The following CDS1 variants were observed in gnomAD, a reference collection of about 807,000 sequenced individuals.
CDS1 encodes phosphatidate cytidylyltransferase 1.
A neutral mutation model predicts 62.1 loss-of-function variants in CDS1; 41 were observed. The observed-to-expected ratio is 0.66, with a 90% CI of 0.51 to 0.86. CDS1 has a LOEUF of 0.86. Among genes scored for constraint, CDS1 ranks in the 40% least tolerant of loss-of-function variants. CDS1 has a pLI of 0.00. For missense variants in CDS1, 470 were observed against 550.1 expected (o/e 0.85, Z 1.46); for synonymous variants, 185 against 192.6 (o/e 0.96, Z 0.32).
rs1253059837 is a variant in CDS1, at chr4:84,649,840, T to C, written c.*1154T>C. The C allele has an allele frequency of 1.3e-5, 2 of 151,978 alleles. No individual in the cohort carries two copies. Among genetic ancestry groups the C allele is most frequent in the African/African-American group, 4.8e-5 (2 of 41,254 alleles). The allele number at this position is 151,978 out of a possible 1,614,324, so 9.4% of individuals were successfully genotyped here. On this transcript the variant is annotated 3_prime_UTR_variant, in exon 13 of 13. Transcript: ENST00000295887. ...TTCCAAGAATGAAAATCAAGCAGAA[T>C]TGATTCCTACACGAAAAAAAAGCAC...
chr4:84,611,233 A>G (rs1262397784), intron 3 of CDS1, among the ~76,000 whole-genome samples: 1 of 152,238 alleles, frequency 6.6e-6, no homozygotes, highest in African/African-American at 2.4e-5. Context: ...TTCATCAAGC[A>G]CTTAGGCAGT....
chr4:84,633,712 A>G, intron 6 of CDS1, 145 bp from the exon 7 acceptor site: 2 of 410,416 alleles, frequency 4.9e-6, no homozygotes, highest in Non-Finnish European at 8.6e-6. Context: ...ATAATTTACT[A>G]ACAGTGTTTT....
intron 1 of CDS1, among the ~76,000 whole-genome samples, chr4:84,599,572 A>G (rs918265268): frequency 2.6e-5 from 4 of 151,574 alleles, no homozygotes; most frequent in African/African-American, 9.7e-5. Flanking sequence ...CTGGCACTAT[A>G]GATGAGTTTG....
Position 84,589,936 on chromosome 4 carries a change from A to G in CDS1, c.117+6418A>G, listed in dbSNP as rs1007797436. On this transcript the variant is annotated intron_variant, in intron 1 of 12. Coordinates refer to ENST00000295887, the MANE Select transcript of CDS1 (RefSeq NM_001263.4). ...CGCCATTCTTCTGCCTCAGCCTCCGACGTAGCTGGGACTACAGGCACCCGC... is the reference window on the plus strand; with the variant it reads ...CGCCATTCTTCTGCCTCAGCCTCCGGCGTAGCTGGGACTACAGGCACCCGC... 4.6e-4 allele frequency among the ~76,000 whole-genome samples: 70 copies of G among 152,052 alleles called. 1 individual carries two copies. Among genetic ancestry groups the G allele is most frequent in the Admixed American group, 4.5e-3 (69 of 15,258 alleles).
Position 84,649,378 on chromosome 4 carries a change from C to G in CDS1, c.*692C>G, listed in dbSNP as rs2148663505. On this transcript the variant is annotated 3_prime_UTR_variant, in exon 13 of 13. Coordinates refer to ENST00000295887, the MANE Select transcript of CDS1 (RefSeq NM_001263.4). ...TTGGAAGGTCACGACCTCGCAAAAA[C>G]TTTTCAAGAGCAACAAGGAAGAATT... 1 of 152,314 alleles carries G rather than the reference C, an allele frequency of 6.6e-6. No individual in the cohort carries two copies. Among genetic ancestry groups the G allele is most frequent in the East Asian group, 1.9e-4 (1 of 5,176 alleles). 9.4% of individuals were successfully genotyped at this position (152,314 alleles called of 1,614,324 possible).
chr4:84,614,658 C>G (rs1323576187), intron 3 of CDS1, among the ~76,000 whole-genome samples: 1 of 152,148 alleles, frequency 6.6e-6, no homozygotes, highest in East Asian at 1.9e-4. Context: ...CAGAGTAAAT[C>G]TGTTGTCAAA....
At chr4:84,631,151 T>C (rs1166422994) in intron 5 of CDS1, among the ~76,000 whole-genome samples, 1 of 152,232 alleles carries the variant, frequency 6.6e-6, no homozygotes, top group Non-Finnish European at 1.5e-5. Context: ...GTTCTTAACC[T>C]GAATTTTGCT....
chr4:84,606,326 G>GTGTGTA (rs762717748), intron 2 of CDS1, among the ~76,000 whole-genome samples: 2 of 151,152 alleles, frequency 1.3e-5, no homozygotes, highest in Non-Finnish European at 2.9e-5. Context: ...GTGTGTGTGT[G>GTGTGTA]TGTGTATGTG....
At chr4:84,636,555 C>T (rs964895758) in intron 8 of CDS1, among the ~76,000 whole-genome samples, 4 of 152,134 alleles carry the variant, frequency 2.6e-5, no homozygotes, top group African/African-American at 9.7e-5. Flanking sequence ...GACAAAGTCT[C>T]GCCCTGTCAC....
At chr4:84,622,594 AAAT>A (rs555333927) in intron 5 of CDS1, among the ~76,000 whole-genome samples, 2 of 152,002 alleles carry the variant, frequency 1.3e-5, no homozygotes, top group Admixed American at 6.6e-5. Context: ...CTCCATCTCA[AAAT>A]AATAATAATA....
intron 8 of CDS1, among the ~76,000 whole-genome samples, chr4:84,636,503 G>A (rs1365792123): frequency 6.6e-6 from 1 of 152,178 alleles, no homozygotes; most frequent in South Asian, 2.1e-4. Flanking sequence ...TCTTCTAAAA[G>A]AGCTCTTCTT....
chr4:84,620,020 A>G (rs1203827040), intron 5 of CDS1, among the ~76,000 whole-genome samples: 6 of 106,612 alleles, frequency 5.6e-5, no homozygotes, highest in East Asian at 2.7e-4. Context: ...CAAAACTCTT[A>G]TCTAAAAAAA....
intron 6 of CDS1, among the ~76,000 whole-genome samples, chr4:84,633,509 C>T (rs1560480482): frequency 1.3e-5 from 2 of 152,214 alleles, no homozygotes; most frequent in East Asian, 1.9e-4. Flanking sequence ...AAAATGTTCC[C>T]CTTTAAATGT....
intron 3 of CDS1, among the ~76,000 whole-genome samples, chr4:84,614,736 T>A (rs571870594): frequency 1.9e-4 from 29 of 152,298 alleles, no homozygotes; most frequent in Admixed American, 4.6e-4. Context: ...ATATATTTTT[T>A]AAAAAAACAA....
At chr4:84,626,751 C>T (rs1322910238) in intron 5 of CDS1, among the ~76,000 whole-genome samples, 1 of 152,188 alleles carries the variant, frequency 6.6e-6, no homozygotes, top group African/African-American at 2.4e-5. Context: ...TGGTGTACCT[C>T]TCTTGTTTAT....
intron 5 of CDS1, among the ~76,000 whole-genome samples, chr4:84,620,832 G>T (rs1483767055): frequency 6.6e-6 from 1 of 152,084 alleles, no homozygotes; most frequent in East Asian, 1.9e-4. Context: ...AGGCCAAGGT[G>T]CACGGATCAC....
Position 84,624,684 on chromosome 4 carries a change from A to G in CDS1, c.580+5151A>G, listed in dbSNP as rs76893231. ...TACTGTTTTCCCCTTTGGTTTTGCTATAATTTATGCTTGAGAATAACATCT... is the reference window on the plus strand; with the variant it reads ...TACTGTTTTCCCCTTTGGTTTTGCTGTAATTTATGCTTGAGAATAACATCT... On this transcript the variant is annotated intron_variant, in intron 5 of 12. Coordinates refer to ENST00000295887, the MANE Select transcript of CDS1 (RefSeq NM_001263.4). 2.4e-3 allele frequency among the ~76,000 whole-genome samples: 368 copies of G among 152,284 alleles called. 1 individual carries two copies. Among genetic ancestry groups the G allele is most frequent in the African/African-American group, 8.4e-3 (347 of 41,556 alleles).
At position 84,648,736 on chromosome 4, in the gene CDS1, A is replaced by G; in HGVS notation, c.*50A>G. The G allele has an allele frequency of 6.5e-7, 1 of 1,546,886 alleles. No individual in the cohort carries two copies. Among genetic ancestry groups the G allele is most frequent in the Admixed American group, 1.9e-5 (1 of 52,506 alleles). On this transcript the variant is annotated 3_prime_UTR_variant, in exon 13 of 13. Coordinates refer to ENST00000295887, the MANE Select transcript of CDS1 (RefSeq NM_001263.4). ...ACAAGAAGGAATTATTCAGAAAAACACTGACAGATGTTTTATAAATTGTAC... is the reference window on the plus strand; with the variant it reads ...ACAAGAAGGAATTATTCAGAAAAACGCTGACAGATGTTTTATAAATTGTAC...
chr4:84,622,463 G>C (rs1723718598), intron 5 of CDS1, among the ~76,000 whole-genome samples: 1 of 151,906 alleles, frequency 6.6e-6, no homozygotes, highest in African/African-American at 2.4e-5. Context: ...TGCGGTGGCA[G>C]GTGCCTGTAA....
Sources: allele counts gnomAD v4.1 joint callset (sites outside exome capture counted in the v4.1 genomes callset), GRCh38; gene constraint gnomAD v4.1.1; transcripts MANE v1.5; gene names NCBI Gene and HGNC (gene_info 2026-07-23, HGNC 2026-07-21).